Variants in FBXL2 observed in about 807,000 individuals in gnomAD.
The protein encoded by FBXL2 is F-box and leucine rich repeat protein 2.
In FBXL2, 38 loss-of-function variants were observed where a neutral mutation model predicts 69.2. The observed-to-expected ratio is 0.55, with a 90% confidence interval of 0.42 to 0.72. The LOEUF (loss-of-function observed/expected upper bound fraction) is 0.72. Ranked by LOEUF, FBXL2 falls within the 30% of genes least tolerant of loss-of-function variation. The pLI is 0.00. For missense variants in FBXL2, 354 were observed against 520.3 expected, an observed-to-expected ratio of 0.68 and a Z score of 3.11; for synonymous variants, 192 against 201.3, an observed-to-expected ratio of 0.95 and a Z score of 0.39.
chr3:33,343,133 A>G (rs1182426513), intron 2 of FBXL2, among the ~76,000 whole-genome samples: 3 of 151,942 alleles, frequency 2.0e-5, no homozygotes, highest in Admixed American at 6.6e-5. Flanking sequence ...ATGAATTAGT[A>G]TAGTATTCAA....
At chr3:33,286,091 TC>T (rs780393481) in intron 1 of FBXL2, among the ~76,000 whole-genome samples, 6 of 152,232 alleles carry the variant, frequency 3.9e-5, no homozygotes, top group Non-Finnish European at 7.3e-5. Flanking sequence ...GGAGCTGTGT[TC>T]CTTTGGAGGA....
chr3:33,378,671 A>G lies in FBXL2; in HGVS notation c.895-14A>G. 1 of 1,611,020 alleles carries G rather than the reference A, an allele frequency of 6.2e-7. No individual in the cohort carries two copies. Among genetic ancestry groups the G allele is most frequent in the South Asian group, 1.1e-5 (1 of 90,104 alleles). On this transcript the variant is annotated splice_polypyrimidine_tract_variant and intron_variant, in intron 12 of 14. Transcript: ENST00000484457. ...GGTGTAGAAGCCACACTGACACAGC[A>G]TGTTTCTCTCCAGATAACCGACAGC...
At chr3:33,319,225 G>A (rs1030169875) in intron 2 of FBXL2, among the ~76,000 whole-genome samples, 2 of 151,882 alleles carry the variant, frequency 1.3e-5, no homozygotes, top group Admixed American at 6.6e-5. Flanking sequence ...GAGTGCCCAT[G>A]GCAAGTTTAT....
intron 2 of FBXL2, among the ~76,000 whole-genome samples, chr3:33,339,562 AGAG>A (rs2039858743): frequency 6.6e-6 from 1 of 152,158 alleles, no homozygotes; most frequent in Non-Finnish European, 1.5e-5. Flanking sequence ...GTGGAGGGTA[AGAG>A]GAGGGTGAGG....
intron 12 of FBXL2, among the ~76,000 whole-genome samples, chr3:33,399,431 T>TA (rs2044136753): frequency 6.6e-6 from 1 of 152,066 alleles, no homozygotes; most frequent in Non-Finnish European, 1.5e-5. Context: ...CATAAGTATA[T>TA]AAAAACTGTA....
rs1360949256 is a variant in FBXL2 at position 33,336,777 on chromosome 3, C to G, written c.66-22190C>G. Reference sequence around the variant, plus strand: ...AAAATTAGCTGGGTGTGGTGGCGTGCACTTGTAGTCCCAGCTACTCAGGAG... The same window carrying G: ...AAAATTAGCTGGGTGTGGTGGCGTGGACTTGTAGTCCCAGCTACTCAGGAG... On this transcript the variant is annotated intron_variant, in intron 2 of 14. Coordinates refer to ENST00000484457, the MANE Select transcript of FBXL2 (RefSeq NM_012157.5). Among the ~76,000 whole-genome samples, 3 of 151,830 alleles carry G rather than the reference C, an allele frequency of 2.0e-5. No individual in the cohort carries two copies. The East Asian group carries it at 5.8e-4, about 29-fold the overall frequency.
At chr3:33,364,796 A>G (rs530619669) in intron 5 of FBXL2, 77 bp downstream of exon 5, 4 of 1,184,192 alleles carry the variant, frequency 3.4e-6, no homozygotes, top group African/African-American at 3.0e-5. Context: ...AGCCTATTAC[A>G]TGCTCTTCTT....
chr3:33,380,742 A>G (rs1201482091), intron 13 of FBXL2, among the ~76,000 whole-genome samples: 3 of 151,946 alleles, frequency 2.0e-5, no homozygotes, highest in African/African-American at 7.3e-5. Context: ...CATCCACACC[A>G]CATCCATGGG....
chr3:33,335,330 C>G (rs1328961584), intron 2 of FBXL2, among the ~76,000 whole-genome samples: 1 of 151,886 alleles, frequency 6.6e-6, no homozygotes, highest in Admixed American at 6.6e-5. Context: ...ATGAAGAACA[C>G]CATAAATGCT....
chr3:33,388,977 A>C (rs1381429540), downstream of FBXL2: 2 of 152,208 alleles, frequency 1.3e-5, no homozygotes, highest in East Asian at 1.9e-4. Flanking sequence ...ATGGACAAAG[A>C]TATCCTACAA....
intron 1 of FBXL2, among the ~76,000 whole-genome samples, chr3:33,293,963 A>G (rs1559498317): frequency 6.6e-6 from 1 of 152,254 alleles, no homozygotes; most frequent in African/African-American, 2.4e-5. Flanking sequence ...GGACAGACAT[A>G]TGTAAGACCA....
At chr3:33,347,410 C>T (rs1343832801) in intron 2 of FBXL2, among the ~76,000 whole-genome samples, 1 of 152,132 alleles carries the variant, frequency 6.6e-6, no homozygotes. Flanking sequence ...TTTCTTAATC[C>T]ATTCGTCTGC....
At chr3:33,381,356 T>C (rs775040521) in intron 13 of FBXL2, among the ~76,000 whole-genome samples, 1 of 152,142 alleles carries the variant, frequency 6.6e-6, no homozygotes, top group Non-Finnish European at 1.5e-5. Flanking sequence ...GTAAATAAAA[T>C]GAAATTGGCT....
intron 4 of FBXL2, among the ~76,000 whole-genome samples, chr3:33,362,886 T>A (rs2041725772): frequency 6.6e-6 from 1 of 152,180 alleles, no homozygotes; most frequent in Non-Finnish European, 1.5e-5. Flanking sequence ...AAGATTTATT[T>A]TACAGTTGTC....
At chr3:33,329,538 GGATA>G (rs1559551004) in intron 2 of FBXL2, among the ~76,000 whole-genome samples, 1 of 151,294 alleles carries the variant, frequency 6.6e-6, no homozygotes, top group Non-Finnish European at 1.5e-5. Context: ...GTGGATGAAT[GGATA>G]AAGAAAATAC....
intron 4 of FBXL2, 58 bp from the exon 5 acceptor site, chr3:33,364,567 G>A (rs1351186393): frequency 7.1e-7 from 1 of 1,417,776 alleles, no homozygotes; most frequent in South Asian, 1.2e-5. Context: ...TTATTTTGCT[G>A]TTAGATAAGC....
chr3:33,380,503 A>T (rs544298837), intron 13 of FBXL2, among the ~76,000 whole-genome samples: 164 of 149,356 alleles, frequency 1.1e-3, no homozygotes, highest in African/African-American at 3.9e-3. Flanking sequence ...GATTGCTGTG[A>T]GCTGAGATCT....
chr3:33,384,182 C>G lies in FBXL2; in HGVS notation c.1145C>G (p.Ala382Gly), dbSNP rs977170329. The change falls in exon 14 of 15, where the codon GCA (alanine) becomes GGA (glycine). Residue 382 changes from alanine to glycine, a missense_variant. Coordinates refer to ENST00000484457, the MANE Select transcript of FBXL2 (RefSeq NM_012157.5). ...ELYDCQQVTR[A>G]GIKRMRAQLP... ...TACGACTGCCAGCAGGTTACCCGTG[C>G]AGGCATCAAGCGGATGCGGGTAGGT... is the stretch of plus-strand genomic sequence containing the variant. 2 of 1,614,122 alleles carry G rather than the reference C, an allele frequency of 1.2e-6. No individual in the cohort carries two copies. The highest frequency in any genetic ancestry group is 1.6e-4 in the Middle Eastern group (1 of 6,062).
At chr3:33,336,813 G>A (rs2039616784) in intron 2 of FBXL2, among the ~76,000 whole-genome samples, 2 of 152,082 alleles carry the variant, frequency 1.3e-5, no homozygotes, top group African/African-American at 4.8e-5. Flanking sequence ...GGTGAGGCAG[G>A]GGAATCGCTT....
Sources: gnomAD v4.1 joint callset for allele counts (sites outside exome capture counted in the v4.1 genomes callset) on GRCh38, gnomAD v4.1.1 for gene constraint, MANE v1.5 for transcripts, NCBI Gene and HGNC (gene_info 2026-07-23, HGNC 2026-07-21) for gene names.